DDI2: variants seen among roughly 807,000 people sequenced by gnomAD.
DDI2 encodes protein DDI1 homolog 2.
Under a neutral mutation model 48.1 loss-of-function variants are expected in DDI2, and 5 were observed. The observed-to-expected ratio is 0.10, with a 90% CI of 0.05 to 0.22. The LOEUF is 0.22. Ranked by LOEUF, DDI2 falls within the 10% of genes least tolerant of loss-of-function variation. The probability of loss-of-function intolerance (pLI) is 1.00; values close to 1 mark genes in which losing one functional copy is unlikely to be tolerated. For synonymous variants in DDI2, 205 were observed against 183.6 expected, an observed-to-expected ratio of 1.12 and a Z score of -0.94; for missense variants, 285 against 506.2, an observed-to-expected ratio of 0.56 and a Z score of 4.19.
chr1:15,661,466 C>T lies in DDI2; in HGVS notation c.*1676C>T. 6.2e-7 allele frequency: 1 copy of T among 1,613,794 alleles called. No homozygotes were observed. Among genetic ancestry groups the T allele is most frequent in the Non-Finnish European group, 8.5e-7 (1 of 1,179,770 alleles). On this transcript the variant is annotated 3_prime_UTR_variant, in exon 10 of 10. Coordinates refer to ENST00000480945, the MANE Select transcript of DDI2 (RefSeq NM_032341.5). ...GGTCAGGGCATACAGAATTCAGTAA[C>T]AGACAGGCCTGAAACCAGAGAAAAT...
intron 3 of DDI2, among the ~76,000 whole-genome samples, chr1:15,631,769 T>C (rs1287468326): frequency 6.6e-6 from 1 of 152,148 alleles, no homozygotes; most frequent in Non-Finnish European, 1.5e-5. Context: ...ACTTCATGTA[T>C]ATGGAATAAT....
At chr1:15,640,383 A>G (rs1267386859) in intron 5 of DDI2, among the ~76,000 whole-genome samples, 2 of 152,250 alleles carry the variant, frequency 1.3e-5, no homozygotes, top group African/African-American at 4.8e-5. Flanking sequence ...CACATTCTCT[A>G]CTCTGTCTTT....
chr1:15,626,832 G>C (rs752806866), intron 2 of DDI2, 34 bp downstream of exon 2: 1 of 1,613,894 alleles, frequency 6.2e-7, no homozygotes, highest in South Asian at 1.1e-5. Flanking sequence ...TCCCCCAGCA[G>C]AACCATCAGC....
At chr1:15,635,063 A>C (rs910868204) in intron 4 of DDI2, among the ~76,000 whole-genome samples, 1 of 152,040 alleles carries the variant, frequency 6.6e-6, no homozygotes, top group Non-Finnish European at 1.5e-5. Flanking sequence ...CTCTGTCTTT[A>C]CAAAAAATAA....
chr1:15,649,684 C>T (rs367908127), intron 6 of DDI2, 36 bp from the exon 7 acceptor site: 359 of 1,592,878 alleles, frequency 2.3e-4, no homozygotes, highest in Middle Eastern at 1.7e-3. Context: ...TTTTGAAGTA[C>T]GTAACAATAA....
At chr1:15,654,191 T>C (rs1463724287) in intron 8 of DDI2, among the ~76,000 whole-genome samples, 2 of 152,042 alleles carry the variant, frequency 1.3e-5, no homozygotes, top group African/African-American at 4.8e-5. Flanking sequence ...AAGACGAAAG[T>C]GGTAAGAGTT....
At chr1:15,653,337 G>A (rs897011579) in intron 8 of DDI2, among the ~76,000 whole-genome samples, 4 of 151,236 alleles carry the variant, frequency 2.6e-5, no homozygotes, top group African/African-American at 7.3e-5. Context: ...GTGCAGTGGC[G>A]CAGCCATGGC....
chr1:15,638,691 C>T (rs1164575919), intron 5 of DDI2, among the ~76,000 whole-genome samples: 1 of 151,976 alleles, frequency 6.6e-6, no homozygotes, highest in Non-Finnish European at 1.5e-5. Flanking sequence ...CCAACCACCA[C>T]GCCCAGCTGA....
intron 5 of DDI2, among the ~76,000 whole-genome samples, chr1:15,642,240 A>G (rs544676381): frequency 6.6e-6 from 1 of 152,358 alleles, no homozygotes; most frequent in African/African-American, 2.4e-5. Flanking sequence ...GACTGTAAAG[A>G]TTACAGAAGC....
At chr1:15,635,080 T>G (rs1258947627) in intron 4 of DDI2, among the ~76,000 whole-genome samples, 1 of 151,914 alleles carries the variant, frequency 6.6e-6, no homozygotes, top group African/African-American at 2.4e-5. Context: ...ATAAAATAAA[T>G]TAGCCAGGTG....
At chr1:15,652,345 ACCATATCCAAACC>A (rs926029107) in intron 8 of DDI2, among the ~76,000 whole-genome samples, 1 of 149,980 alleles carries the variant, frequency 6.7e-6, no homozygotes, top group Non-Finnish European at 1.5e-5. Context: ...GGTGTGAGCT[ACCATATCCAAACC>A]CCATCTCTTA....
intron 3 of DDI2, 52 bp downstream of exon 3, chr1:15,630,613 G>C: frequency 8.0e-7 from 1 of 1,248,160 alleles, no homozygotes; most frequent in East Asian, 2.3e-5. Context: ...TGAAGAAGCT[G>C]TGTCATAGCA....
chr1:15,658,970 A>C (rs1212839300), intron 9 of DDI2, among the ~76,000 whole-genome samples: 1 of 152,170 alleles, frequency 6.6e-6, no homozygotes, highest in African/African-American at 2.4e-5. Context: ...CCTTTCTTTA[A>C]AACATTTAAA....
Position 15,665,262 on chromosome 1 carries a change from CAAA to C in DDI2, c.*5488_*5490del, listed in dbSNP as rs1220947128. The C allele has an allele frequency of 1.6e-4, 15 of 95,900 alleles. No homozygotes were observed. Among genetic ancestry groups the C allele is most frequent in the East Asian group, 4.6e-4 (1 of 2,190 alleles). The allele number at this position is 95,900 out of a possible 1,614,324, so 5.9% of individuals were successfully genotyped here. A position where few individuals can be genotyped will look rare whatever the true frequency, so the allele number is the denominator to read the frequency against. On this transcript the variant is annotated 3_prime_UTR_variant, in exon 10 of 10. Coordinates refer to ENST00000480945, the MANE Select transcript of DDI2 (RefSeq NM_032341.5). The stretch of plus-strand genomic sequence containing the variant: ...GGGCAACAAGAGCAAAACTCTGTCT[CAAA>C]AAAAAAAAAAAAAAAGGTAACCAGT...
In DDI2 at chr1:15,654,490, A is replaced by G. The variant is rs181232179; in HGVS notation, c.1184-2127A>G. 4.4e-3 allele frequency among the ~76,000 whole-genome samples: 671 copies of G among 152,124 alleles called. 8 individuals carry two copies. Among genetic ancestry groups the G allele is most frequent in the African/African-American group, 0.016 (649 of 41,492 alleles). ...CAACATAGTGAGTCTTTGTTTCTACAAGAAATTTAAAAAAAAAATTAGCCA... is the reference window on the plus strand; with the variant it reads ...CAACATAGTGAGTCTTTGTTTCTACGAGAAATTTAAAAAAAAAATTAGCCA... On this transcript the variant is annotated intron_variant, in intron 8 of 9. Coordinates refer to ENST00000480945, the MANE Select transcript of DDI2 (RefSeq NM_032341.5).
intron 2 of DDI2, among the ~76,000 whole-genome samples, chr1:15,627,407 G>A (rs61782441): frequency 0.018 from 2,757 of 152,310 alleles, 28 homozygotes; most frequent in Non-Finnish European, 0.028. Context: ...TAAACATTAA[G>A]CAGCTTGACC....
intron 2 of DDI2, among the ~76,000 whole-genome samples, chr1:15,628,541 G>C (rs1639792649): frequency 1.3e-5 from 2 of 152,166 alleles, no homozygotes; most frequent in Non-Finnish European, 2.9e-5. Flanking sequence ...TTAGTGTACT[G>C]TCATTTATAA....
chr1:15,651,476 G>A (rs1192192336), intron 7 of DDI2, among the ~76,000 whole-genome samples: 3 of 152,028 alleles, frequency 2.0e-5, no homozygotes, highest in African/African-American at 7.2e-5. Context: ...GTGCCACCAC[G>A]CCTGGTTAAT....
At position 15,625,841 on chromosome 1, in the gene DDI2, A is replaced by T. The variant is rs541415696; in HGVS notation, c.139-828A>T. 4.6e-5 allele frequency among the ~76,000 whole-genome samples: 7 copies of T among 152,204 alleles called. No individual in the cohort carries two copies. In the East Asian group the frequency reaches 1.4e-3, roughly 29 times the overall value. ...ACCATGTTGGCCAGGCTGGTCTCGA[A>T]CCCCTGACCTCGTGATCCACCCGCC... On this transcript the variant is annotated intron_variant, in intron 1 of 9. Coordinates refer to ENST00000480945, the MANE Select transcript of DDI2 (RefSeq NM_032341.5).
Sources: gnomAD v4.1 joint callset for allele counts (sites outside exome capture counted in the v4.1 genomes callset) on GRCh38, gnomAD v4.1.1 for gene constraint, MANE v1.5 for transcripts, NCBI Gene and HGNC (gene_info 2026-07-23, HGNC 2026-07-21) for gene names.